Variants in ECHDC2 observed in about 807,000 individuals in gnomAD.
ECHDC2 encodes the protein enoyl-CoA hydratase domain-containing protein 2, mitochondrial.
Under a neutral mutation model 40.6 loss-of-function variants are expected in ECHDC2, and 34 were observed. The observed-to-expected ratio is 0.84, with a 90% CI of 0.64 to 1.11. ECHDC2 has a LOEUF of 1.11. ECHDC2 is among the 50% of genes most tolerant of loss of function. The pLI is 0.00. For missense variants in ECHDC2, 392 were observed against 400.7 expected (o/e 0.98, Z 0.19); for synonymous variants, 162 against 166.6 (o/e 0.97, Z 0.21).
rs200285963 is a variant in ECHDC2, at chr1:52,904,742, G to A, written c.606C>T (p.His202=). Reference sequence around the variant, plus strand: ...CAGCGTGATTCACCAGCCCCAGTACGTGGGCCTCAGTTCCACTCAGTCGTC... The same window carrying A: ...CAGCGTGATTCACCAGCCCCAGTACATGGGCCTCAGTTCCACTCAGTCGTC... The part of the protein sequence containing the change: ...TGRRLSGTEA[H]VLGLVNHAVA... Residue 202 remains histidine (H), a synonymous_variant, in exon 7 of 10, where the codon CAC becomes CAT. Coordinates refer to ENST00000371522, the MANE Select transcript of ECHDC2 (RefSeq NM_001198961.2). 1.4e-5 allele frequency: 22 copies of A among 1,612,910 alleles called. No homozygotes were observed. The highest frequency in any genetic ancestry group is 2.2e-5 in the East Asian group (1 of 44,864).
At position 52,905,036 on chromosome 1, in the gene ECHDC2, G is replaced by T. The variant is rs748519025; in HGVS notation, c.512C>A (p.Ala171Glu). The T allele has an allele frequency of 3.1e-6, 5 of 1,614,182 alleles. No homozygotes were observed. In the South Asian group the frequency reaches 5.5e-5, roughly 18 times the overall value. Residue 171 changes from alanine to glutamate, a missense_variant and splice_region_variant, in exon 6 of 10, where the codon GCA becomes GAA. Coordinates refer to ENST00000371522, the MANE Select transcript of ECHDC2 (RefSeq NM_001198961.2). Reference sequence around the variant, plus strand: ...GCGGGTGCTGTAGTTGCGATTACCTGCCCCCGGGAGGAGCCCTCGCGTGGT... The same window carrying T: ...GCGGGTGCTGTAGTTGCGATTACCTTCCCCCGGGAGGAGCCCTCGCGTGGT... ...IETTRGLLPG[A>E]GGTQRLPRCL...
intron 7 of ECHDC2, among the ~76,000 whole-genome samples, chr1:52,903,003 C>T (rs1289318921): frequency 6.6e-6 from 1 of 152,130 alleles, no homozygotes; most frequent in African/African-American, 2.4e-5. Context: ...TCCATTTAAG[C>T]CACTTTTAAT....
intron 7 of ECHDC2, among the ~76,000 whole-genome samples, chr1:52,902,738 T>C (rs1330585037): frequency 6.6e-6 from 1 of 152,250 alleles, no homozygotes; most frequent in African/African-American, 2.4e-5. Flanking sequence ...TATTTTGCTC[T>C]CTTAAAATAC....
chr1:52,909,774 TTTG>T (rs1257421536), intron 3 of ECHDC2, among the ~76,000 whole-genome samples: 1 of 152,210 alleles, frequency 6.6e-6, no homozygotes, highest in Non-Finnish European at 1.5e-5. Flanking sequence ...CATTGTTATT[TTTG>T]TTGTTAACAT....
In ECHDC2 at chr1:52,907,594, A is replaced by C. The variant is rs1648237069; in HGVS notation, c.364+274T>G. ...AGGCAAAGGTAACAGCAATTGTCAA[A>C]ACTTGAAAGCATGCTTGGGGAAACT... On this transcript the variant is annotated intron_variant, in intron 4 of 9. Coordinates refer to ENST00000371522, the MANE Select transcript of ECHDC2 (RefSeq NM_001198961.2). 22 of 410,210 alleles carry C rather than the reference A, an allele frequency of 5.4e-5. No homozygotes were observed. In the South Asian group the frequency reaches 1.3e-3, roughly 25 times the overall value. The allele number at this position is 410,210 out of a possible 1,614,324, so 25.4% of individuals were successfully genotyped here.
At chr1:52,898,805 CA>C (rs1157203358) in intron 8 of ECHDC2, 1 of 338,760 alleles carries the variant, frequency 3.0e-6, no homozygotes, top group African/African-American at 2.2e-5. Context: ...CCCAAGGCAT[CA>C]CCCCAAGCCC....
At chr1:52,896,786 C>A (rs1008977733) in intron 9 of ECHDC2, 189 bp from the exon 10 acceptor site, 40 of 578,558 alleles carry the variant, frequency 6.9e-5, no homozygotes, top group Non-Finnish European at 1.2e-5. Context: ...GACAGGCCAG[C>A]CTTTGTATTC....
At chr1:52,911,696 C>A (rs780263189) in intron 2 of ECHDC2, 27 bp downstream of exon 2, 1 of 1,614,174 alleles carries the variant, frequency 6.2e-7, no homozygotes, top group Non-Finnish European at 8.5e-7. Flanking sequence ...CCATCCCCAG[C>A]CCACCCTGGC....
intron 1 of ECHDC2, among the ~76,000 whole-genome samples, chr1:52,919,794 A>C (rs1651488199): frequency 6.6e-6 from 1 of 152,198 alleles, no homozygotes; most frequent in Admixed American, 6.5e-5. Context: ...CCTCCTCTGC[A>C]CTGTCATCTT....
chr1:52,910,907 C>T (rs1451158024), intron 3 of ECHDC2, among the ~76,000 whole-genome samples: 1 of 152,190 alleles, frequency 6.6e-6, no homozygotes, highest in East Asian at 1.9e-4. Flanking sequence ...TAGACTCTTC[C>T]AGTCCTAGAC....
Position 52,921,595 on chromosome 1 carries a change from C to T in ECHDC2, c.79G>A (p.Gly27Ser), listed in dbSNP as rs1417881441. 8 of 1,605,670 alleles carry T rather than the reference C, an allele frequency of 5.0e-6. No homozygotes were observed. Among genetic ancestry groups the T allele is most frequent in the African/African-American group, 4.0e-5 (3 of 74,764 alleles). ...RGCASDGAAGGSEIQVRALAG... is the reference protein window; with the variant it reads ...RGCASDGAAGSSEIQVRALAG... ...AGGGCGCGCACTTGGATCTCTGAGC[C>T]CCCGGCCGCCCCGTCGGAAGCGCAG... is the stretch of plus-strand genomic sequence containing the variant. The change falls in exon 1 of 10, where the codon GGC (glycine) becomes AGC (serine). Residue 27 changes from glycine to serine, a missense_variant. By Grantham distance (56) the Gly-to-Ser change is moderately conservative. Coordinates refer to ENST00000371522, the MANE Select transcript of ECHDC2 (RefSeq NM_001198961.2).
intron 7 of ECHDC2, 97 bp from the exon 8 acceptor site, chr1:52,899,321 G>A (rs1255479315): frequency 3.5e-6 from 4 of 1,137,000 alleles, no homozygotes; most frequent in Non-Finnish European, 3.9e-6. Flanking sequence ...GGAGGCAGAT[G>A]TCTGGGTCTG....
intron 1 of ECHDC2, chr1:52,915,209 C>A: frequency 2.2e-6 from 1 of 456,012 alleles, no homozygotes; most frequent in Admixed American, 2.3e-5. Flanking sequence ...GGGCTGAAAT[C>A]CAGCAGGTGC....
intron 3 of ECHDC2, among the ~76,000 whole-genome samples, chr1:52,909,084 C>G (rs1451550623): frequency 1.3e-5 from 2 of 152,054 alleles, no homozygotes; most frequent in African/African-American, 4.8e-5. Context: ...TACTACCTCA[C>G]GTCTATTAGA....
Position 52,904,852 on chromosome 1 carries a change from C to G in ECHDC2, c.515-19G>C. 1 of 1,606,232 alleles carries G rather than the reference C, an allele frequency of 6.2e-7. No homozygotes were observed. Among genetic ancestry groups the G allele is most frequent in the Non-Finnish European group, 8.5e-7 (1 of 1,175,240 alleles). On this transcript the variant is annotated intron_variant, in intron 6 of 9. Transcript: ENST00000371522. ...GTCCCTCCTACCAGGATGGAGGGAG[C>G]AGGGTGGGAATCAGCATGGGAAGTG...
At chr1:52,921,451 G>A in intron 1 of ECHDC2, 102 bp downstream of exon 1, 2 of 1,459,620 alleles carry the variant, frequency 1.4e-6, no homozygotes, top group South Asian at 1.4e-5. Flanking sequence ...AGGGACTGGG[G>A]ATCGAATCCT....
At chr1:52,911,332 C>T (rs951864237) in intron 3 of ECHDC2, among the ~76,000 whole-genome samples, 2 of 152,076 alleles carry the variant, frequency 1.3e-5, no homozygotes, top group Non-Finnish European at 2.9e-5. Flanking sequence ...ATGGCATAGC[C>T]GAAATAACTA....
chr1:52,905,128 T>G, intron 5 of ECHDC2, 38 bp from the exon 6 acceptor site: 1 of 1,610,378 alleles, frequency 6.2e-7, no homozygotes, highest in Non-Finnish European at 8.5e-7. Context: ...CCCTCCCCCA[T>G]CCGGTCCCCC....
intron 7 of ECHDC2, chr1:52,901,284 T>C (rs1420956628): frequency 6.6e-6 from 1 of 151,936 alleles, no homozygotes; most frequent in East Asian, 1.9e-4. Flanking sequence ...CTTGCACCTG[T>C]AGTCCCAGCT....
Sources: gnomAD v4.1 joint callset for allele counts (sites outside exome capture counted in the v4.1 genomes callset) on GRCh38, gnomAD v4.1.1 for gene constraint, MANE v1.5 for transcripts, NCBI Gene and HGNC (gene_info 2026-07-23, HGNC 2026-07-21) for gene names.